The following PIK3AP1 variants were observed in gnomAD, a reference collection of about 807,000 sequenced individuals.
The protein encoded by PIK3AP1 is phosphoinositide 3-kinase adapter protein 1.
In PIK3AP1, 21 loss-of-function variants were observed where a neutral mutation model predicts 88.1. The observed-to-expected ratio is 0.24, with a 90% CI of 0.17 to 0.34. The LOEUF is 0.34. Among genes scored for constraint, PIK3AP1 ranks in the 10% least tolerant of loss-of-function variants. The pLI is 1.00. For synonymous variants in PIK3AP1, 398 were observed against 400.0 expected (o/e 1.00, Z 0.06); for missense variants, 828 against 1,035.7 (o/e 0.80, Z 2.75).
In PIK3AP1 at chr10:96,711,739, ATTTTTTTTTTTTT is replaced by A. The variant is rs763923650; in HGVS notation, c.14-1769_14-1757del. ...ATTTCCCCCAGGATGAGATTACCAA[ATTTTTTTTTTTTT>A]TTTTTTTTTTTTTTTTTAGACGGAG... On this transcript the variant is annotated intron_variant, in intron 1 of 16. Coordinates refer to ENST00000339364, the MANE Select transcript of PIK3AP1 (RefSeq NM_152309.3). Among the ~76,000 whole-genome samples the A allele has an allele frequency of 0.014, 936 of 66,482 alleles. 6 individuals carry two copies. The Middle Eastern group carries it at 0.14, about 10-fold the overall frequency. 43.6% of individuals were successfully genotyped at this position (66,482 alleles called of 152,430 possible).
intron 10 of PIK3AP1, among the ~76,000 whole-genome samples, chr10:96,625,089 AC>A (rs984740051): frequency 2.6e-5 from 4 of 152,190 alleles, no homozygotes; most frequent in Non-Finnish European, 5.9e-5. Flanking sequence ...AGCAAGTTAC[AC>A]TGCGGGCAAC....
rs117051884 is a variant in PIK3AP1, at chr10:96,617,727, G to A, written c.1942-1016C>T. 2.7e-3 allele frequency among the ~76,000 whole-genome samples: 411 copies of A among 152,292 alleles called. 18 individuals carry two copies. In the East Asian group the frequency reaches 0.073, roughly 27 times the overall value. ...AAGCAGGACACACCGCTGACTGGGT[G>A]AGCGGAAGCACGGGAGAAGGCCAAA... On this transcript the variant is annotated intron_variant, in intron 12 of 16. Coordinates refer to ENST00000339364, the MANE Select transcript of PIK3AP1 (RefSeq NM_152309.3).
chr10:96,709,965 T>C lies in PIK3AP1; in HGVS notation c.32A>G (p.Asp11Gly). The C allele has an allele frequency of 2.5e-6, 4 of 1,591,342 alleles. No homozygotes were observed. The highest frequency in any genetic ancestry group is 2.2e-5 in the South Asian group (2 of 89,710). Residue 11 changes from aspartate (D) to glycine (G), a missense_variant, in exon 2 of 17, where the codon GAC (aspartate) becomes GGC (glycine). Asp to Gly is a moderately conservative substitution (Grantham distance 94). Around this residue, in one of 3 missense-constraint regions of PIK3AP1, gnomAD observed 610 missense variants for 760.1 expected, o/e 0.80. Coordinates refer to ENST00000339364, the MANE Select transcript of PIK3AP1 (RefSeq NM_152309.3). Reference sequence around the variant, plus strand: ...ATCCGGGCTGTAGACGATGAGGATGTCGCATCCTCTGGGCACCCCTGGACA... The same window carrying C: ...ATCCGGGCTGTAGACGATGAGGATGCCGCATCCTCTGGGCACCCCTGGACA... MAASGVPRGC[D>G]ILIVYSPDAE...
chr10:96,634,357 C>T (rs1843286106), intron 8 of PIK3AP1, among the ~76,000 whole-genome samples: 1 of 152,204 alleles, frequency 6.6e-6, no homozygotes, highest in Admixed American at 6.5e-5. Flanking sequence ...ATGCAGGGAA[C>T]AAACTTAAGT....
chr10:96,674,795 T>C (rs945221281), intron 2 of PIK3AP1, among the ~76,000 whole-genome samples: 1 of 152,288 alleles, frequency 6.6e-6, no homozygotes, highest in African/African-American at 2.4e-5. Flanking sequence ...GATACCAGCG[T>C]GAACCAAGCT....
At chr10:96,692,600 AGAAAGAAAT>A (rs1230071156) in intron 2 of PIK3AP1, among the ~76,000 whole-genome samples, 1 of 151,962 alleles carries the variant, frequency 6.6e-6, no homozygotes, top group Non-Finnish European at 1.5e-5. Context: ...AAGAAAGAAA[AGAAAGAAAT>A]GTTATATTGT....
Position 96,636,331 on chromosome 10 carries a change from A to G in PIK3AP1, c.1376-7838T>C, listed in dbSNP as rs868194171. 2.8e-4 allele frequency among the ~76,000 whole-genome samples: 42 copies of G among 152,362 alleles called. 1 individual carries two copies. The highest frequency in any genetic ancestry group is 3.4e-3 in the Middle Eastern group (1 of 294). On this transcript the variant is annotated intron_variant, in intron 8 of 16. Transcript: ENST00000339364. ...AATTATTTTTAAAATGCTCTTTTCC[A>G]TACCTAATTAGGCACTAAGTCCTGG...
chr10:96,602,427 C>T (rs756105888), intron 15 of PIK3AP1, 29 bp from the exon 16 acceptor site: 61 of 1,568,938 alleles, frequency 3.9e-5, no homozygotes, highest in Middle Eastern at 1.7e-4. Context: ...GAAAGAAAGG[C>T]GAAAACTACA....
intron 2 of PIK3AP1, among the ~76,000 whole-genome samples, chr10:96,691,910 T>C (rs1279705032): frequency 6.6e-6 from 1 of 152,246 alleles, no homozygotes; most frequent in African/African-American, 2.4e-5. Context: ...GCTTGCTTAA[T>C]CTTGGTGCAT....
chr10:96,654,934 C>G (rs1055220051), intron 3 of PIK3AP1, among the ~76,000 whole-genome samples: 1 of 152,210 alleles, frequency 6.6e-6, no homozygotes, highest in East Asian at 1.9e-4. Context: ...GACCCGCCAA[C>G]TGGGGGATGC....
chr10:96,608,336 T>G lies in PIK3AP1; in HGVS notation c.2170+1376A>C, dbSNP rs867141643. Among the ~76,000 whole-genome samples the G allele has an allele frequency of 3.0e-4, 46 of 152,296 alleles. No individual in the cohort carries two copies. In the Middle Eastern group the frequency reaches 0.02, roughly 68 times the overall value. Reference sequence around the variant, plus strand: ...GCCACCTGTGATCCCTGAGGACATCTCTCCCATTCCTGAACTTGTCAGAAT... The same window carrying G: ...GCCACCTGTGATCCCTGAGGACATCGCTCCCATTCCTGAACTTGTCAGAAT... On this transcript the variant is annotated intron_variant, in intron 14 of 16. Transcript: ENST00000339364.
intron 1 of PIK3AP1, among the ~76,000 whole-genome samples, chr10:96,716,906 C>T (rs2134298118): frequency 6.6e-6 from 1 of 152,246 alleles, no homozygotes; most frequent in South Asian, 2.1e-4. Context: ...GAGGCTGTAG[C>T]AGCAGGGAGT....
rs567990328 is a variant in PIK3AP1 at position 96,715,746 on chromosome 10, C to T, written c.13+4636G>A. Among the ~76,000 whole-genome samples, 333 of 152,002 alleles carry T rather than the reference C, an allele frequency of 2.2e-3. 1 individual carries two copies. The highest frequency in any genetic ancestry group is 7.7e-3 in the African/African-American group (321 of 41,458). ...TCTACTAAAAATACAAAAAATTAGCCGGGAATTGTGGCGGGCACCTGTAGT... is the reference window on the plus strand; with the variant it reads ...TCTACTAAAAATACAAAAAATTAGCTGGGAATTGTGGCGGGCACCTGTAGT... On this transcript the variant is annotated intron_variant, in intron 1 of 16. Transcript: ENST00000339364.
At chr10:96,656,232 C>T (rs1268128909) in intron 3 of PIK3AP1, among the ~76,000 whole-genome samples, 2 of 152,214 alleles carry the variant, frequency 1.3e-5, no homozygotes, top group African/African-American at 2.4e-5. Context: ...ATGGCAGTGG[C>T]TCATCAGTTG....
chr10:96,695,135 C>A lies in PIK3AP1; in HGVS notation c.430+14432G>T, dbSNP rs2134277626. Among the ~76,000 whole-genome samples the A allele has an allele frequency of 1.3e-5, 2 of 152,256 alleles. 1 individual carries two copies. Among genetic ancestry groups the A allele is most frequent in the East Asian group, 3.9e-4 (2 of 5,188 alleles). Reference sequence around the variant, plus strand: ...CAAAAACACAATCACAGTCAGAGATCTTTTCTGGCAACAAACTCAGGCTTT... The same window carrying A: ...CAAAAACACAATCACAGTCAGAGATATTTTCTGGCAACAAACTCAGGCTTT... On this transcript the variant is annotated intron_variant, in intron 2 of 16. Transcript: ENST00000339364.
intron 8 of PIK3AP1, among the ~76,000 whole-genome samples, chr10:96,644,940 G>A (rs916064026): frequency 3.3e-5 from 5 of 151,946 alleles, no homozygotes; most frequent in South Asian, 4.2e-4. Flanking sequence ...GACTGCAAAC[G>A]TGTCAGTCAA....
intron 1 of PIK3AP1, among the ~76,000 whole-genome samples, chr10:96,719,934 G>C (rs923500268): frequency 1.3e-5 from 2 of 152,196 alleles, no homozygotes; most frequent in African/African-American, 2.4e-5. Context: ...GGGCCTCCCC[G>C]GCTGATCTCT....
chr10:96,678,585 A>C (rs1428933521), intron 2 of PIK3AP1, among the ~76,000 whole-genome samples: 2 of 152,138 alleles, frequency 1.3e-5, no homozygotes, highest in Admixed American at 6.5e-5. Context: ...TATAATTAAA[A>C]TTTTAAACTA....
chr10:96,596,854 C>A (rs1848761640), intron 16 of PIK3AP1, among the ~76,000 whole-genome samples: 2 of 152,184 alleles, frequency 1.3e-5, no homozygotes, highest in Non-Finnish European at 2.9e-5. Context: ...TTGTTAGGTG[C>A]TATAATTGAA....
Sources: gnomAD v4.1 joint callset for allele counts (sites outside exome capture counted in the v4.1 genomes callset) on GRCh38, gnomAD v4.1.1 for gene constraint, gnomAD v4.1.1 regional missense constraint, MANE v1.5 for transcripts, NCBI Gene and HGNC (gene_info 2026-07-23, HGNC 2026-07-21) for gene names.